Variants in ARHGAP26 observed in about 807,000 individuals in gnomAD.
ARHGAP26 encodes the protein rho GTPase-activating protein 26.
ARHGAP26 carries 38 observed loss-of-function variants against 104.8 expected under a neutral mutation model. The observed-to-expected ratio is 0.36, with a 90% CI of 0.28 to 0.48. ARHGAP26 has a LOEUF of 0.48. ARHGAP26 is among the 20% of genes least tolerant of loss of function. The pLI, the probability that ARHGAP26 is intolerant of heterozygous loss-of-function variation, is 0.99. For missense variants in ARHGAP26, 704 were observed against 947.9 expected (o/e 0.74, Z 3.38); for synonymous variants, 341 against 340.0 (o/e 1.00, Z -0.03).
chr5:142,849,380 T>C (rs1211530092), intron 1 of ARHGAP26, among the ~76,000 whole-genome samples: 1 of 152,222 alleles, frequency 6.6e-6, no homozygotes, highest in Non-Finnish European at 1.5e-5. Context: ...GTATTTGGCT[T>C]TTCTTTTAAA....
chr5:142,941,126 C>T (rs958206360), intron 11 of ARHGAP26, among the ~76,000 whole-genome samples: 4 of 144,262 alleles, frequency 2.8e-5, no homozygotes, highest in Admixed American at 6.9e-5. Context: ...TGGGTATATA[C>T]CCAATGGGAT....
intron 20 of ARHGAP26, among the ~76,000 whole-genome samples, chr5:143,199,785 A>G (rs887300802): frequency 1.3e-5 from 2 of 152,136 alleles, no homozygotes; most frequent in African/African-American, 4.8e-5. Flanking sequence ...TGCTTCTCCA[A>G]AGTCTGACAC....
intron 1 of ARHGAP26, among the ~76,000 whole-genome samples, chr5:142,831,993 TATC>T (rs1768531615): frequency 6.6e-6 from 1 of 152,174 alleles, no homozygotes; most frequent in African/African-American, 2.4e-5. Flanking sequence ...GGTTTGGCCA[TATC>T]ATATCCACCC....
chr5:143,009,308 T>G (rs901471563), intron 11 of ARHGAP26, among the ~76,000 whole-genome samples: 1 of 152,190 alleles, frequency 6.6e-6, no homozygotes, highest in Non-Finnish European at 1.5e-5. Flanking sequence ...AGCATCATCA[T>G]CGTCGTCATT....
chr5:143,043,407 C>T (rs1367600970), intron 14 of ARHGAP26, among the ~76,000 whole-genome samples: 1 of 151,956 alleles, frequency 6.6e-6, no homozygotes, highest in African/African-American at 2.4e-5. Flanking sequence ...AGTAATATTC[C>T]ATTGTATGGA....
At chr5:142,977,843 G>A (rs890473200) in intron 11 of ARHGAP26, among the ~76,000 whole-genome samples, 1 of 152,320 alleles carries the variant, frequency 6.6e-6, no homozygotes, top group South Asian at 2.1e-4. Flanking sequence ...ACAGTTCAGC[G>A]AGCTCTGGTA....
At chr5:143,124,864 T>C (rs1394199005) in intron 18 of ARHGAP26, among the ~76,000 whole-genome samples, 1 of 152,182 alleles carries the variant, frequency 6.6e-6, no homozygotes, top group Non-Finnish European at 1.5e-5. Flanking sequence ...TTGCATTTAG[T>C]TCCCTTTAGG....
chr5:143,083,758 CA>C (rs1423378580), intron 17 of ARHGAP26, among the ~76,000 whole-genome samples: 1 of 152,190 alleles, frequency 6.6e-6, no homozygotes, highest in African/African-American at 2.4e-5. Context: ...CTCTGCCTCC[CA>C]AAATGCTGGG....
chr5:142,878,042 A>G (rs758220587), intron 3 of ARHGAP26, among the ~76,000 whole-genome samples: 1 of 152,236 alleles, frequency 6.6e-6, no homozygotes, highest in Non-Finnish European at 1.5e-5. Context: ...ATTGAGAAAA[A>G]GGCAAATGGG....
chr5:142,821,668 A>G (rs1371109985), intron 1 of ARHGAP26, among the ~76,000 whole-genome samples: 1 of 152,196 alleles, frequency 6.6e-6, no homozygotes, highest in Admixed American at 6.5e-5. Context: ...CAAGATACCC[A>G]GGTGATTTAT....
intron 19 of ARHGAP26, among the ~76,000 whole-genome samples, chr5:143,143,625 G>A (rs148725117): frequency 6.6e-6 from 1 of 152,208 alleles, no homozygotes; most frequent in Non-Finnish European, 1.5e-5. Context: ...ACCCCTTTCT[G>A]TTCCAGCAGC....
At position 143,226,838 on chromosome 5, in the gene ARHGAP26, C is replaced by T. The variant is rs1811719194; in HGVS notation, c.*4392C>T. ...TCAAGTATTGACAGACTGGCATTAG[C>T]AGGACAGAGCCATACTAGTGACAAG... On this transcript the variant is annotated 3_prime_UTR_variant, in exon 23 of 23. Coordinates refer to ENST00000645722, the MANE Select transcript of ARHGAP26 (RefSeq NM_001135608.3). 1 of 225,080 alleles carries T rather than the reference C, an allele frequency of 4.4e-6. No homozygotes were observed. Among genetic ancestry groups the T allele is most frequent in the Non-Finnish European group, 8.8e-6 (1 of 113,006 alleles). The allele number at this position is 225,080 out of a possible 1,614,324, so 13.9% of individuals were successfully genotyped here.
chr5:142,953,604 C>T (rs1768732651), intron 11 of ARHGAP26, among the ~76,000 whole-genome samples: 1 of 152,198 alleles, frequency 6.6e-6, no homozygotes, highest in Non-Finnish European at 1.5e-5. Context: ...CTGGAGAACA[C>T]TGCCTGTTAC....
At chr5:142,930,659 CCT>C (rs1278093884) in intron 10 of ARHGAP26, among the ~76,000 whole-genome samples, 1 of 151,966 alleles carries the variant, frequency 6.6e-6, no homozygotes, top group East Asian at 1.9e-4. Flanking sequence ...GCATGCTTTC[CCT>C]CTGTCTCTCC....
At chr5:142,833,870 A>G (rs539061405) in intron 1 of ARHGAP26, among the ~76,000 whole-genome samples, 3 of 152,322 alleles carry the variant, frequency 2.0e-5, no homozygotes, top group African/African-American at 7.2e-5. Flanking sequence ...AAAAATTTCA[A>G]ACTACCACTT....
chr5:143,131,182 G>T (rs996046323), intron 18 of ARHGAP26, among the ~76,000 whole-genome samples: 1 of 152,126 alleles, frequency 6.6e-6, no homozygotes, highest in Non-Finnish European at 1.5e-5. Context: ...TTCCTGCTCT[G>T]CTGTATATAA....
chr5:143,041,410 A>G (rs1783447342), intron 13 of ARHGAP26: 1 of 168,664 alleles, frequency 5.9e-6, no homozygotes, highest in African/African-American at 2.4e-5. Flanking sequence ...GTGTAAAAAT[A>G]GATTATAAAG....
chr5:143,006,262 C>T (rs1298681253), intron 11 of ARHGAP26, among the ~76,000 whole-genome samples: 1 of 151,078 alleles, frequency 6.6e-6, no homozygotes, highest in Non-Finnish European at 1.5e-5. Context: ...TCTAGCTTTC[C>T]TTTTCTGTCT....
rs376364477 is a variant in ARHGAP26, at chr5:143,050,345, C to T, written c.1286-4094C>T. Among the ~76,000 whole-genome samples, 57 of 151,262 alleles carry T rather than the reference C, an allele frequency of 3.8e-4. No homozygotes were observed. In the South Asian group the frequency reaches 0.011, roughly 30 times the overall value. On this transcript the variant is annotated intron_variant, in intron 14 of 22. Coordinates refer to ENST00000645722, the MANE Select transcript of ARHGAP26 (RefSeq NM_001135608.3). ...TCCTGTAACCTTTTTTGTTCTTCTT[C>T]TTCTTTTTTTTTTTTTAAACCACAT...
Sources: allele counts gnomAD v4.1 joint callset (sites outside exome capture counted in the v4.1 genomes callset), GRCh38; gene constraint gnomAD v4.1.1; transcripts MANE v1.5; gene names NCBI Gene and HGNC (gene_info 2026-07-23, HGNC 2026-07-21).